Variants in OSMR observed in about 807,000 individuals in gnomAD.
OSMR encodes oncostatin M receptor, also known as oncostatin-M-specific receptor subunit beta.
OSMR carries 81 observed loss-of-function variants against 99.9 expected under a neutral mutation model. That is an observed-to-expected ratio of 0.81 (90% CI 0.68 to 0.97). The LOEUF is 0.97. Ranked by LOEUF, OSMR falls within the 50% of genes least tolerant of loss-of-function variation. The pLI is 0.00. For synonymous variants in OSMR, 406 were observed against 410.4 expected (o/e 0.99, Z 0.13); for missense variants, 1,099 against 1,153.4 (o/e 0.95, Z 0.68).
intron 7 of OSMR, among the ~76,000 whole-genome samples, chr5:38,891,062 A>T (rs1432191757): frequency 6.6e-6 from 1 of 152,198 alleles, no homozygotes; most frequent in Non-Finnish European, 1.5e-5. Context: ...AGTGGATTTT[A>T]ATTGGCCATC....
In OSMR at chr5:38,904,141, T is replaced by C. The variant is rs947140143; in HGVS notation, c.1134+117T>C. ...TCTGTGTAGGTTCAAATGGTGTGGG[T>C]CATCTGTTTTAAAAGGTCCATGAAA... On this transcript the variant is annotated intron_variant, in intron 8 of 17. Transcript: ENST00000274276. The C allele has an allele frequency of 1.3e-5, 20 of 1,542,274 alleles. No individual in the cohort carries two copies. In the Admixed American group the frequency reaches 4.1e-4, roughly 31 times the overall value.
intron 1 of OSMR, among the ~76,000 whole-genome samples, chr5:38,866,739 C>T (rs1353479511): frequency 6.6e-6 from 1 of 152,164 alleles, no homozygotes; most frequent in African/African-American, 2.4e-5. Context: ...GGGGACCCCA[C>T]ACACACTCCC....
chr5:38,853,972 T>C (rs1267740744), intron 1 of OSMR, among the ~76,000 whole-genome samples: 1 of 151,248 alleles, frequency 6.6e-6, no homozygotes, highest in African/African-American at 2.4e-5. Flanking sequence ...CACTTGTAAG[T>C]AATCAACCCT....
downstream of OSMR, chr5:38,935,643 AT>A (rs1236101871): frequency 6.6e-6 from 1 of 152,202 alleles, no homozygotes; most frequent in East Asian, 1.9e-4. Flanking sequence ...TCATCATCAC[AT>A]TGTGTTTTAT....
At chr5:38,886,763 T>G (rs1411018901) in intron 7 of OSMR, 1 of 152,606 alleles carries the variant, frequency 6.6e-6, no homozygotes, top group Non-Finnish European at 1.5e-5. Context: ...ATTTGCAGGT[T>G]GTATCAAAGT....
Position 38,904,503 on chromosome 5 carries a change from G to T in OSMR, c.1285G>T (p.Ala429Ser), listed in dbSNP as rs778059918. 3.7e-6 allele frequency: 6 copies of T among 1,613,974 alleles called. No individual in the cohort carries two copies. In the African/African-American group the frequency reaches 5.3e-5, roughly 14 times the overall value. Residue 429 changes from alanine (A) to serine (S), a missense_variant and splice_region_variant, in exon 9 of 18, where the codon GCT becomes TCT. Ala to Ser is a moderately conservative substitution (Grantham distance 99). Transcript: ENST00000274276. Reference sequence around the variant, plus strand: ...TCAGAACTTCACCACACTTGAAGCTGGTATGTTCAGCCCCTGGCATTTAAC... The same window carrying T: ...TCAGAACTTCACCACACTTGAAGCTTGTATGTTCAGCCCCTGGCATTTAAC... ...SGQNFTTLEA[A>S]PSEAPDVWRI... is the part of the protein sequence containing the mutation.
At chr5:38,875,558 C>T (rs528189296) in intron 2 of OSMR, among the ~76,000 whole-genome samples, 1 of 152,202 alleles carries the variant, frequency 6.6e-6, no homozygotes, top group African/African-American at 2.4e-5. Flanking sequence ...ACTAACTAGT[C>T]TAAAATTCCA....
chr5:38,848,801 T>A (rs1038993179), intron 1 of OSMR, among the ~76,000 whole-genome samples: 1 of 152,212 alleles, frequency 6.6e-6, no homozygotes, highest in African/African-American at 2.4e-5. Flanking sequence ...TGTGAGATGG[T>A]CTCACTCTGT....
Position 38,881,634 on chromosome 5 carries a change from T to A in OSMR, c.288T>A (p.His96Gln). ...CTGTGAAGTGGAACCAGGTTCTGCA[T>A]TGGAGCTGGGAATCTGAGCTCCCTT... is the stretch of plus-strand genomic sequence containing the variant. ...STTVKWNQVL[H>Q]WSWESELPLE... is the part of the protein sequence containing the mutation. Residue 96 changes from histidine (H) to glutamine (Q), a missense_variant, in exon 4 of 18, where the codon CAT (histidine) becomes CAA (glutamine). By Grantham distance (24) the His-to-Gln change is conservative (BLOSUM62 0). Transcript: ENST00000274276. 6.2e-7 allele frequency: 1 copy of A among 1,614,122 alleles called. No homozygotes were observed. The highest frequency in any genetic ancestry group is 2.2e-5 in the East Asian group (1 of 44,886).
Position 38,872,296 on chromosome 5 carries a change from G to A in OSMR, c.73+3179G>A, listed in dbSNP as rs145085374. Among the ~76,000 whole-genome samples the A allele has an allele frequency of 2.2e-3, 329 of 152,288 alleles. 2 individuals carry two copies. Among genetic ancestry groups the A allele is most frequent in the Non-Finnish European group, 1.9e-3 (126 of 68,040 alleles). ...TCACTGATAGCGTATGTTAATATAA[G>A]GCGTTCTTCTTTTGTCTGGAGCTTC... On this transcript the variant is annotated intron_variant, in intron 2 of 17. Transcript: ENST00000274276.
chr5:38,942,646 C>T (rs1747713057), intron 1 of OSMR, among the ~76,000 whole-genome samples: 1 of 151,076 alleles, frequency 6.6e-6, no homozygotes, highest in East Asian at 1.9e-4. Flanking sequence ...TGTGTTGACA[C>T]GGTCTCACTA....
At chr5:38,899,463 C>G (rs926044014) in intron 7 of OSMR, among the ~76,000 whole-genome samples, 1 of 152,168 alleles carries the variant, frequency 6.6e-6, no homozygotes, top group African/African-American at 2.4e-5. Context: ...ACAAAATCCC[C>G]TTTACTTTTC....
intron 2 of OSMR, among the ~76,000 whole-genome samples, chr5:38,875,849 T>C (rs1255135007): frequency 6.6e-6 from 1 of 152,242 alleles, no homozygotes; most frequent in Non-Finnish European, 1.5e-5. Context: ...TGTTCAGAAA[T>C]GTAACATTTC....
chr5:38,925,025 C>A (rs1746409982), intron 14 of OSMR, 179 bp from the exon 15 acceptor site: 5 of 966,552 alleles, frequency 5.2e-6, no homozygotes, highest in Non-Finnish European at 6.2e-6. Flanking sequence ...CATCTCCTGA[C>A]CATTTTACCT....
intron 15 of OSMR, among the ~76,000 whole-genome samples, chr5:38,926,978 G>A (rs1230311781): frequency 6.6e-6 from 1 of 152,160 alleles, no homozygotes; most frequent in Non-Finnish European, 1.5e-5. Context: ...CAAAACAAAG[G>A]AGCTGCAGGC....
At chr5:38,852,982 C>T (rs574477479) in intron 1 of OSMR, among the ~76,000 whole-genome samples, 4 of 152,116 alleles carry the variant, frequency 2.6e-5, no homozygotes, top group Admixed American at 6.5e-5. Flanking sequence ...CCGCCCGCCT[C>T]GGCCTCCCAA....
Position 38,846,064 on chromosome 5 carries a change from C to A in OSMR, c.-337C>A. 1 of 152,528 alleles carries A rather than the reference C, an allele frequency of 6.6e-6. No homozygotes were observed. Among genetic ancestry groups the A allele is most frequent in the Non-Finnish European group, 1.5e-5 (1 of 68,296 alleles). The allele number at this position is 152,528 out of a possible 1,614,324, so 9.4% of individuals were successfully genotyped here. A position where few individuals can be genotyped will look rare whatever the true frequency, so the allele number is the denominator to read the frequency against. ...GCCTCTGCACGTCCGCCCCGGAGCC[C>A]GCACCCGCGCCCCACGCGCCGCCGA... On this transcript the variant is annotated 5_prime_UTR_variant, in exon 1 of 18. Transcript: ENST00000274276.
chr5:38,860,216 C>A lies in OSMR; in HGVS notation c.-13-8816C>A, dbSNP rs186803476. 1.0e-3 allele frequency among the ~76,000 whole-genome samples: 156 copies of A among 152,178 alleles called. 3 individuals are homozygous for A. The highest frequency in any genetic ancestry group is 4.3e-4 in the Non-Finnish European group (29 of 67,996). ...TTAGCTGTGGGTCTGTCATATGTGG[C>A]CTTTATTATGTTAAGGGTCATTTCT... On this transcript the variant is annotated intron_variant, in intron 1 of 17. Transcript: ENST00000274276.
chr5:38,904,186 G>T (rs1157988870), intron 8 of OSMR, 162 bp downstream of exon 8: 4 of 985,072 alleles, frequency 4.1e-6, no homozygotes, highest in African/African-American at 1.7e-5. Flanking sequence ...CACTTTTATG[G>T]TTAGGAAATG....
Sources: allele counts gnomAD v4.1 joint callset (sites outside exome capture counted in the v4.1 genomes callset), GRCh38; gene constraint gnomAD v4.1.1; transcripts MANE v1.5; gene names NCBI Gene and HGNC (gene_info 2026-07-23, HGNC 2026-07-21).